Variants in COL6A3 observed in about 807,000 individuals in gnomAD.
COL6A3 encodes the protein collagen alpha-3(VI) chain.
A neutral mutation model predicts 274.1 loss-of-function variants in COL6A3; 137 were observed. That is an observed-to-expected ratio of 0.50 (90% CI 0.44 to 0.58). COL6A3 has a LOEUF of 0.58. Among genes scored for constraint, COL6A3 ranks in the 20% least tolerant of loss-of-function variants. The probability of loss-of-function intolerance (pLI) is 0.00; values close to 1 mark genes in which losing one functional copy is unlikely to be tolerated. For synonymous variants in COL6A3, 1,650 were observed against 1,650.6 expected (o/e 1.00, Z 0.01); for missense variants, 3,950 against 4,124.9 (o/e 0.96, Z 1.16).
Position 237,340,963 on chromosome 2 carries a change from C to T in COL6A3, c.7953G>A (p.Met2651Ile), listed in dbSNP as rs369537287. 8.1e-5 allele frequency: 131 copies of T among 1,614,130 alleles called. 2 individuals carry two copies. In the East Asian group the frequency reaches 1.6e-3, roughly 19 times the overall value. The change falls in exon 38 of 44, where the codon ATG (methionine) becomes ATA (isoleucine). Residue 2651 changes from methionine to isoleucine, a missense_variant. Met to Ile is a conservative substitution (Grantham distance 10). Coordinates refer to ENST00000295550, the MANE Select transcript of COL6A3 (RefSeq NM_004369.4). ...YIAYLVRQLD[M>I]SPDPKASQHF... is the part of the protein sequence containing the mutation. The stretch of plus-strand genomic sequence containing the variant: ...GCTGGGAGGCCTTGGGATCTGGGCT[C>T]ATGTCCAGTTGTCTGACCAGGTACG...
chr2:237,333,414 AG>A, intron 42 of COL6A3, 35 bp downstream of exon 42: 1 of 1,572,392 alleles, frequency 6.4e-7, no homozygotes. Context: ...GTATTTTCTT[AG>A]TGCCATTAAT....
Position 237,364,556 on chromosome 2 carries a change from T to G in COL6A3, c.5839-128A>C. 1.3e-6 allele frequency: 1 copy of G among 747,162 alleles called. No homozygotes were observed. 46.3% of individuals were successfully genotyped at this position (747,162 alleles called of 1,614,324 possible). A position where few individuals can be genotyped will look rare whatever the true frequency, so the allele number is the denominator to read the frequency against. The stretch of plus-strand genomic sequence containing the variant: ...CACTTAAGGAAACTGAGGGCCCAAG[T>G]TGAGGAATGATTACCCATGTTCACA... On this transcript the variant is annotated intron_variant, in intron 12 of 43. Transcript: ENST00000295550. This position sits in a 1 kb window ranked among gnomAD's most constrained non-coding sequence, Gnocchi z 4.6.
intron 17 of COL6A3, among the ~76,000 whole-genome samples, chr2:237,359,756 A>T (rs1483087460): frequency 2.0e-5 from 3 of 150,154 alleles, no homozygotes; most frequent in Non-Finnish European, 4.4e-5. Context: ...CTCTCACTCC[A>T]CTCCCTTCCC....
At chr2:237,340,228 G>A (rs1426044586) in intron 38 of COL6A3, among the ~76,000 whole-genome samples, 1 of 152,150 alleles carries the variant, frequency 6.6e-6, no homozygotes. Context: ...AAATGTGGTG[G>A]AATAAAGGAA....
At position 237,324,058 on chromosome 2, in the gene COL6A3, AT is replaced by A. The variant is rs1253361966; in HGVS notation, c.*715del. The A allele has an allele frequency of 1.3e-5, 2 of 152,386 alleles. No homozygotes were observed. The highest frequency in any genetic ancestry group is 4.8e-5 in the African/African-American group (2 of 41,348). The allele number at this position is 152,386 out of a possible 1,614,324, so 9.4% of individuals were successfully genotyped here. A position where few individuals can be genotyped will look rare whatever the true frequency, so the allele number is the denominator to read the frequency against. On this transcript the variant is annotated 3_prime_UTR_variant, in exon 44 of 44. Transcript: ENST00000295550. ...TTTATTAAAAAGTTTCTTTGTATAAATTTCCTAAACATTTTAAAATTAAAAT... is the reference window on the plus strand; with the variant it reads ...TTTATTAAAAAGTTTCTTTGTATAAATTCCTAAACATTTTAAAATTAAAAT...
intron 2 of COL6A3, among the ~76,000 whole-genome samples, chr2:237,396,437 C>T (rs1384925707): frequency 1.3e-5 from 2 of 152,188 alleles, no homozygotes; most frequent in South Asian, 2.1e-4. Context: ...GGTGGTAAAA[C>T]ATTTGAGATA....
At chr2:237,400,458 G>A (rs947370338) in intron 1 of COL6A3, among the ~76,000 whole-genome samples, 17 of 152,016 alleles carry the variant, frequency 1.1e-4, no homozygotes, top group Admixed American at 1.1e-3. Flanking sequence ...CATGAGATCT[G>A]TAAGAAGTGA....
At chr2:237,387,042 A>T (rs78984831) in intron 4 of COL6A3, among the ~76,000 whole-genome samples, 1,848 of 152,242 alleles carry the variant, frequency 0.012, 65 homozygotes, top group Admixed American at 0.06. Context: ...CTTCATAAAT[A>T]TTTCATCAAG....
chr2:237,393,833 G>A (rs903088959), intron 3 of COL6A3, among the ~76,000 whole-genome samples: 4 of 152,186 alleles, frequency 2.6e-5, no homozygotes, highest in Admixed American at 6.5e-5. Flanking sequence ...AATTAGCTCT[G>A]TACATGCAAC....
Position 237,361,246 on chromosome 2 carries a change from T to C in COL6A3, c.6157-72A>G. On this transcript the variant is annotated intron_variant, in intron 15 of 43. Transcript: ENST00000295550. The surrounding 1 kb of genome is among the most constrained non-coding windows in gnomAD (Gnocchi z 5.1). ...TGCTCTACAGTAAGAATCCCTGTGG[T>C]CCCCCTTCATTTGGCAGAGCAGCAC... The C allele has an allele frequency of 7.1e-7, 1 of 1,399,850 alleles. No individual in the cohort carries two copies. The highest frequency in any genetic ancestry group is 1.0e-6 in the Non-Finnish European group (1 of 986,736). 86.7% of individuals were successfully genotyped at this position (1,399,850 alleles called of 1,614,324 possible). A position where few individuals can be genotyped will look rare whatever the true frequency, so the allele number is the denominator to read the frequency against.
chr2:237,410,044 A>G (rs2078816726), intron 1 of COL6A3, among the ~76,000 whole-genome samples: 1 of 152,244 alleles, frequency 6.6e-6, no homozygotes, highest in South Asian at 2.1e-4. Flanking sequence ...CACTTCCGTT[A>G]TTATGAACAG....
At chr2:237,381,596 C>T in intron 4 of COL6A3, 97 bp from the exon 5 acceptor site, 1 of 1,056,112 alleles carries the variant, frequency 9.5e-7, no homozygotes, top group South Asian at 1.3e-5. Flanking sequence ...AGGACACCCT[C>T]ATTTACTGTG....
chr2:237,329,489 C>T (rs1003553971), intron 42 of COL6A3: 1 of 152,240 alleles, frequency 6.6e-6, no homozygotes. Flanking sequence ...CACATGACAA[C>T]TAACCAGAAA....
chr2:237,369,078 A>G lies in COL6A3; in HGVS notation c.4385T>C (p.Ile1462Thr), dbSNP rs1206790860. The G allele has an allele frequency of 6.2e-7, 1 of 1,614,066 alleles. No homozygotes were observed. Among genetic ancestry groups the G allele is most frequent in the Admixed American group, 1.7e-5 (1 of 60,002 alleles). The change falls in exon 10 of 44, where the codon ATT becomes ACT. Residue 1462 changes from isoleucine to threonine, a missense_variant. Transcript: ENST00000295550. ...GGGGCCGATGTTGAGTCTTCGAACA[A>G]TCCTGCTAACAAAATCTCGAATATG... ...FAHIRDFVSR[I>T]VRRLNIGPSK... is the part of the protein sequence containing the mutation.
chr2:237,389,024 T>A (rs1317459102), intron 3 of COL6A3, among the ~76,000 whole-genome samples: 1 of 152,146 alleles, frequency 6.6e-6, no homozygotes, highest in Non-Finnish European at 1.5e-5. Flanking sequence ...TCCAACCTTG[T>A]TTTTATGACA....
chr2:237,378,973 G>T lies in COL6A3; in HGVS notation c.2160C>A (p.Gly720=). The T allele has an allele frequency of 6.2e-7, 1 of 1,614,222 alleles. No individual in the cohort carries two copies. The highest frequency in any genetic ancestry group is 8.5e-7 in the Non-Finnish European group (1 of 1,180,036). ...TGGCATAGACATAGCTTAGGGCTGAGCCTGTGTTCAGGCCCGAACCTCCCT... is the reference window on the plus strand; with the variant it reads ...TGGCATAGACATAGCTTAGGGCTGATCCTGTGTTCAGGCCCGAACCTCCCT... ...QLQGGSGLNT[G]SALSYVYANH... is the part of the protein sequence containing the mutation. The change falls in exon 6 of 44, where the codon GGC becomes GGA. Residue 720 remains glycine, a synonymous_variant. Coordinates refer to ENST00000295550, the MANE Select transcript of COL6A3 (RefSeq NM_004369.4).
intron 26 of COL6A3, 126 bp downstream of exon 26, chr2:237,352,396 G>A: frequency 1.0e-6 from 1 of 952,902 alleles, no homozygotes. Context: ...TGGGGTTTTT[G>A]TTGCCAAAGA....
chr2:237,388,167 T>C lies in COL6A3; in HGVS notation c.727A>G (p.Ile243Val). The C allele has an allele frequency of 6.2e-7, 1 of 1,614,066 alleles. No individual in the cohort carries two copies. Residue 243 changes from isoleucine to valine, a missense_variant, in exon 4 of 44, where the codon ATT (isoleucine) becomes GTT (valine). Physicochemically the swap from Ile to Val is conservative, Grantham distance 29. Around this residue, in one of 5 missense-constraint regions of COL6A3, gnomAD observed 1,934 missense variants for 1,984.3 expected, o/e 0.97. Coordinates refer to ENST00000295550, the MANE Select transcript of COL6A3 (RefSeq NM_004369.4). The stretch of plus-strand genomic sequence containing the variant: ...TTTGATCCATCAATAAGGAAAATAA[T>C]GTCAGCAGAGTCTTGTGCTTTAAAA... ...KDITAQDSAD[I>V]IFLIDGSNNT...
intron 4 of COL6A3, among the ~76,000 whole-genome samples, chr2:237,386,229 C>T (rs560384995): frequency 1.8e-4 from 27 of 152,284 alleles, no homozygotes; most frequent in African/African-American, 6.0e-4. Flanking sequence ...GCAACTAGAA[C>T]TAATGATTAG....
Sources: allele counts gnomAD v4.1 joint callset (sites outside exome capture counted in the v4.1 genomes callset), GRCh38; gene constraint gnomAD v4.1.1; regional missense constraint gnomAD v4.1.1; non-coding constraint Gnocchi (gnomAD v3.1); transcripts MANE v1.5; gene names NCBI Gene and HGNC (gene_info 2026-07-23, HGNC 2026-07-21).